The following UMAD1 variants were observed in gnomAD, a reference collection of about 807,000 sequenced individuals.
The protein encoded by UMAD1 is UBAP1-MVB12-associated (UMA)-domain containing protein 1.
In UMAD1, 8 loss-of-function variants were observed where a neutral mutation model predicts 6.1. That is an observed-to-expected ratio of 1.30 (90% CI 0.76 to 2.35). The LOEUF (loss-of-function observed/expected upper bound fraction) is 2.35, where lower values mean the gene tolerates loss of function less well. UMAD1 is among the 30% of genes most tolerant of loss of function. The probability of loss-of-function intolerance (pLI) is 0.00; values close to 1 mark genes in which losing one functional copy is unlikely to be tolerated. For missense variants in UMAD1, 130 were observed against 78.4 expected, an observed-to-expected ratio of 1.66 and a Z score of -2.49; for synonymous variants, 56 against 31.4, an observed-to-expected ratio of 1.78 and a Z score of -2.61.
intron 2 of UMAD1, among the ~76,000 whole-genome samples, chr7:7,698,919 A>G (rs776438629): frequency 7.0e-6 from 1 of 142,204 alleles, no homozygotes. Context: ...CCCAGGTCTG[A>G]TAACAGCTCA....
intron 2 of UMAD1, among the ~76,000 whole-genome samples, chr7:7,698,564 T>C (rs1161556791): frequency 1.3e-5 from 2 of 152,212 alleles, no homozygotes; most frequent in African/African-American, 4.8e-5. Context: ...TTCTTTTTTT[T>C]TGTAGTATTT....
At chr7:7,776,696 T>C (rs1782214927) in intron 2 of UMAD1, among the ~76,000 whole-genome samples, 1 of 152,198 alleles carries the variant, frequency 6.6e-6, no homozygotes, top group African/African-American at 2.4e-5. Flanking sequence ...CTAAATTTCA[T>C]AGAGATGATT....
rs59221325 is a variant in UMAD1, at chr7:7,796,244, C to CTTTTTTTTTTTTT, written c.83-5414_83-5402dup. 2.5e-3 allele frequency among the ~76,000 whole-genome samples: 163 copies of CTTTTTTTTTTTTT among 63,948 alleles called. 11 individuals carry two copies. Among genetic ancestry groups the CTTTTTTTTTTTTT allele is most frequent in the African/African-American group, 6.8e-3 (70 of 10,242 alleles). 42.0% of individuals were successfully genotyped at this position (63,948 alleles called of 152,430 possible). On this transcript the variant is annotated intron_variant, in intron 2 of 3. Transcript: ENST00000682710. ...ACTTTGACCCATTTCTATTTTCTTT[C>CTTTTTTTTTTTTT]TTTTTTTTTTTTTTTTTTTTTTTTG...
At chr7:7,762,475 T>G (rs73051903) in intron 2 of UMAD1, among the ~76,000 whole-genome samples, 19,543 of 152,182 alleles carry the variant, frequency 0.13, 1,346 homozygotes, top group South Asian at 0.17. Context: ...GTGGGTCTTG[T>G]GTGTTAAGGC....
At chr7:7,691,405 C>G (rs1780169454) in intron 2 of UMAD1, among the ~76,000 whole-genome samples, 1 of 152,110 alleles carries the variant, frequency 6.6e-6, no homozygotes, top group Admixed American at 6.5e-5. Flanking sequence ...CTTAGAATTA[C>G]TAAATACATA....
At chr7:7,857,309 T>C (rs1475666529) in intron 3 of UMAD1, among the ~76,000 whole-genome samples, 1 of 152,230 alleles carries the variant, frequency 6.6e-6, no homozygotes, top group African/African-American at 2.4e-5. Flanking sequence ...GCCTCTGATA[T>C]AATCTCTTAG....
chr7:7,813,353 C>T (rs573892838), intron 3 of UMAD1, among the ~76,000 whole-genome samples: 3 of 152,210 alleles, frequency 2.0e-5, no homozygotes, highest in South Asian at 2.1e-4. Context: ...TACAGGCATG[C>T]GACACCACGC....
At chr7:7,805,723 C>G (rs531546569) in intron 3 of UMAD1, among the ~76,000 whole-genome samples, 142 of 152,284 alleles carry the variant, frequency 9.3e-4, no homozygotes, top group African/African-American at 3.3e-3. Flanking sequence ...ATGTTAAGCC[C>G]TTTCCTATCT....
intron 3 of UMAD1, among the ~76,000 whole-genome samples, chr7:7,844,484 T>C (rs66700272): frequency 0.25 from 38,334 of 152,044 alleles, 5,678 homozygotes; most frequent in Middle Eastern, 0.34. Context: ...CCCAGGTGCA[T>C]TTTATAGCAG....
chr7:7,713,663 A>G (rs1780821554), intron 2 of UMAD1, among the ~76,000 whole-genome samples: 1 of 151,248 alleles, frequency 6.6e-6, no homozygotes, highest in Admixed American at 6.6e-5. Context: ...TGACTTTTTA[A>G]GTTGGTTGTT....
chr7:7,696,967 AC>A (rs1392621549), intron 2 of UMAD1, among the ~76,000 whole-genome samples: 1 of 152,056 alleles, frequency 6.6e-6, no homozygotes, highest in African/African-American at 2.4e-5. Flanking sequence ...ACCAGCTATG[AC>A]CTAAGCTTAG....
chr7:7,798,937 T>G (rs1185804258), intron 2 of UMAD1, among the ~76,000 whole-genome samples: 5 of 152,230 alleles, frequency 3.3e-5, no homozygotes, highest in African/African-American at 1.2e-4. Flanking sequence ...GGTAAGGTAT[T>G]ATGAAATTGT....
At chr7:7,766,099 C>T (rs1406583673) in intron 2 of UMAD1, among the ~76,000 whole-genome samples, 1 of 152,146 alleles carries the variant, frequency 6.6e-6, no homozygotes, top group Non-Finnish European at 1.5e-5. Flanking sequence ...CGAAATGTAG[C>T]AGTTTCCTTC....
At chr7:7,734,471 T>G (rs930325292) in intron 2 of UMAD1, among the ~76,000 whole-genome samples, 6 of 152,206 alleles carry the variant, frequency 3.9e-5, no homozygotes, top group Non-Finnish European at 7.3e-5. Context: ...TCTATTTAAT[T>G]AAGCTGTATT....
chr7:7,787,628 T>C (rs938918372), intron 2 of UMAD1, among the ~76,000 whole-genome samples: 2 of 152,224 alleles, frequency 1.3e-5, no homozygotes, highest in African/African-American at 4.8e-5. Context: ...CTTTTCTTTC[T>C]CCTTTCTCCC....
intron 2 of UMAD1, among the ~76,000 whole-genome samples, chr7:7,680,101 C>T (rs967571495): frequency 6.6e-6 from 1 of 152,038 alleles, no homozygotes. Flanking sequence ...GGGTATTACT[C>T]AAGAAATCTT....
Position 7,759,924 on chromosome 7 carries a change from C to G in UMAD1, c.83-41746C>G, listed in dbSNP as rs542453045. ...CAGTGTTAAAACATGGCTGCATATT[C>G]TTTGACACTCTCCCATTGAAAAGTT... On this transcript the variant is annotated intron_variant, in intron 2 of 3. Transcript: ENST00000682710. 4.1e-4 allele frequency among the ~76,000 whole-genome samples: 63 copies of G among 152,236 alleles called. No homozygotes were observed. In the South Asian group the frequency reaches 4.6e-3, roughly 11 times the overall value.
intron 1 of UMAD1, among the ~76,000 whole-genome samples, chr7:7,663,614 A>G (rs1029845590): frequency 6.6e-6 from 1 of 152,198 alleles, no homozygotes; most frequent in African/African-American, 2.4e-5. Flanking sequence ...ATGAATCTAA[A>G]ATCTGTTAAA....
At chr7:7,660,925 C>G (rs573554968) in intron 1 of UMAD1, among the ~76,000 whole-genome samples, 92 of 152,338 alleles carry the variant, frequency 6.0e-4, no homozygotes, top group African/African-American at 2.0e-3. Context: ...CTCCCTGTCA[C>G]TTTCGGGTAC....
Sources: allele counts gnomAD v4.1 joint callset (sites outside exome capture counted in the v4.1 genomes callset), GRCh38; gene constraint gnomAD v4.1.1; transcripts MANE v1.5; gene names NCBI Gene and HGNC (gene_info 2026-07-23, HGNC 2026-07-21).